FSTL4: variants seen among roughly 807,000 people sequenced by gnomAD.
The protein encoded by FSTL4 is follistatin like 4.
In FSTL4, 28 loss-of-function variants were observed where a neutral mutation model predicts 78.2. The observed-to-expected ratio is 0.36, with a 90% confidence interval of 0.27 to 0.49. The LOEUF (loss-of-function observed/expected upper bound fraction) is 0.49. FSTL4 is among the 20% of genes least tolerant of loss of function. FSTL4 has a pLI of 0.98. For missense variants in FSTL4, 922 were observed against 1,084.9 expected (o/e 0.85, Z 2.11); for synonymous variants, 422 against 440.5 (o/e 0.96, Z 0.53).
At chr5:133,551,318 C>T (rs573063764) in intron 3 of FSTL4, among the ~76,000 whole-genome samples, 70 of 152,204 alleles carry the variant, frequency 4.6e-4, no homozygotes, top group Admixed American at 4.1e-3. Flanking sequence ...AACCCAATAA[C>T]GACCAATTAC....
chr5:133,834,829 GA>G, the FSTL4 span, among the ~76,000 whole-genome samples: 1 of 151,664 alleles, frequency 6.6e-6, no homozygotes, highest in Non-Finnish European at 1.5e-5. Flanking sequence ...TCCTGTTTTG[GA>G]AAATGAGAAA....
At chr5:133,362,030 C>G (rs1222499556) in intron 4 of FSTL4, among the ~76,000 whole-genome samples, 1 of 152,176 alleles carries the variant, frequency 6.6e-6, no homozygotes, top group Non-Finnish European at 1.5e-5. Flanking sequence ...GATACAACTA[C>G]TATAAAAACC....
At chr5:133,404,681 G>C (rs1756314466) in intron 3 of FSTL4, among the ~76,000 whole-genome samples, 1 of 152,156 alleles carries the variant, frequency 6.6e-6, no homozygotes, top group Non-Finnish European at 1.5e-5. Flanking sequence ...ATAGGTACAG[G>C]TGGTGTAATT....
At chr5:133,260,238 C>T (rs939323190) in intron 6 of FSTL4, among the ~76,000 whole-genome samples, 1 of 152,222 alleles carries the variant, frequency 6.6e-6, no homozygotes, top group Non-Finnish European at 1.5e-5. Context: ...CCCCACAGCA[C>T]AGGCTGTGCC....
At chr5:133,778,170 T>A in the FSTL4 span, among the ~76,000 whole-genome samples, 1 of 152,188 alleles carries the variant, frequency 6.6e-6, no homozygotes. Flanking sequence ...CCCCCAGATG[T>A]GCCCTGTGGA....
the FSTL4 span, among the ~76,000 whole-genome samples, chr5:133,718,273 G>T: frequency 6.6e-6 from 1 of 152,038 alleles, no homozygotes; most frequent in African/African-American, 2.4e-5. Flanking sequence ...TAGAGACAAG[G>T]TTTCACTATG....
the FSTL4 span, among the ~76,000 whole-genome samples, chr5:133,826,661 T>C: frequency 1.3e-5 from 2 of 152,208 alleles, no homozygotes; most frequent in Non-Finnish European, 2.9e-5. Context: ...TCCAGGAGTA[T>C]CACCCCATCT....
At chr5:133,544,175 AAAATT>A (rs1759528628) in intron 3 of FSTL4, among the ~76,000 whole-genome samples, 1 of 152,194 alleles carries the variant, frequency 6.6e-6, no homozygotes, top group Non-Finnish European at 1.5e-5. Context: ...TTAATTAATT[AAAATT>A]AAATTAATTC....
the FSTL4 span, among the ~76,000 whole-genome samples, chr5:133,822,296 A>G: frequency 6.6e-6 from 1 of 152,150 alleles, no homozygotes; most frequent in Admixed American, 6.5e-5. Flanking sequence ...TTAATTGTTA[A>G]GTTAGCCTTT....
At chr5:133,607,182 G>A (rs1419004777) in intron 1 of FSTL4, among the ~76,000 whole-genome samples, 1 of 152,194 alleles carries the variant, frequency 6.6e-6, no homozygotes, top group African/African-American at 2.4e-5. Context: ...TTGCACTGTG[G>A]ATGTGTTTTA....
At chr5:133,560,168 T>C (rs1475877201) in intron 3 of FSTL4, among the ~76,000 whole-genome samples, 2 of 152,216 alleles carry the variant, frequency 1.3e-5, no homozygotes, top group East Asian at 3.8e-4. Context: ...AGTGGCGCTG[T>C]GGCTCTTGGG....
chr5:133,565,970 C>T (rs1214994429), intron 3 of FSTL4, among the ~76,000 whole-genome samples: 1 of 152,236 alleles, frequency 6.6e-6, no homozygotes, highest in Non-Finnish European at 1.5e-5. Flanking sequence ...GTGAACACTA[C>T]TTTCCATAAG....
At chr5:133,812,552 GCTT>G in the FSTL4 span, among the ~76,000 whole-genome samples, 53,354 of 151,854 alleles carry the variant, frequency 0.35, 10,552 homozygotes, top group Non-Finnish European at 0.45. Context: ...TGCATGATGG[GCTT>G]CTTCTTGTCA....
At chr5:133,668,450 G>A in the FSTL4 span, among the ~76,000 whole-genome samples, 2 of 152,220 alleles carry the variant, frequency 1.3e-5, no homozygotes, top group Non-Finnish European at 2.9e-5. Flanking sequence ...GAAGAGAGAA[G>A]TACCTTCTCA....
intron 2 of FSTL4, among the ~76,000 whole-genome samples, chr5:133,601,132 G>A (rs1253862034): frequency 6.6e-6 from 1 of 152,190 alleles, no homozygotes; most frequent in African/African-American, 2.4e-5. Context: ...CGTCCCCACT[G>A]GGAATGAACC....
intron 3 of FSTL4, among the ~76,000 whole-genome samples, chr5:133,464,565 G>A (rs1373828944): frequency 4.6e-5 from 7 of 152,194 alleles, no homozygotes. Context: ...TGTGGCACAA[G>A]CAACTCTCCC....
At chr5:133,279,562 C>T (rs1189738149) in intron 6 of FSTL4, among the ~76,000 whole-genome samples, 1 of 152,184 alleles carries the variant, frequency 6.6e-6, no homozygotes, top group Non-Finnish European at 1.5e-5. Flanking sequence ...CACACATCTC[C>T]TAGGATGGTC....
chr5:133,428,947 T>C (rs1226694453), intron 3 of FSTL4, among the ~76,000 whole-genome samples: 1 of 152,210 alleles, frequency 6.6e-6, no homozygotes, highest in African/African-American at 2.4e-5. Context: ...GTCTCAGCTG[T>C]AGTTTCCAGA....
intron 2 of FSTL4, among the ~76,000 whole-genome samples, chr5:133,569,599 C>G (rs425059): frequency 0.042 from 6,372 of 152,204 alleles, 186 homozygotes; most frequent in Non-Finnish European, 0.066. Flanking sequence ...ATGCTCAATA[C>G]ATATTTGTTG....
Sources: gnomAD v4.1 joint callset for allele counts (sites outside exome capture counted in the v4.1 genomes callset) on GRCh38, gnomAD v4.1.1 for gene constraint, MANE v1.5 for transcripts, NCBI Gene and HGNC (gene_info 2026-07-23, HGNC 2026-07-21) for gene names.